GALNT1: variants seen among roughly 807,000 people sequenced by gnomAD.
GALNT1 encodes the protein polypeptide N-acetylgalactosaminyltransferase 1, also known as GalNAc transferase 1.
A neutral mutation model predicts 65.7 loss-of-function variants in GALNT1; 17 were observed. The ratio of observed to expected loss-of-function variants is 0.26; its 90% CI spans 0.18 to 0.39. The LOEUF (loss-of-function observed/expected upper bound fraction) is 0.39. GALNT1 is among the 10% of genes least tolerant of loss of function. The pLI is 1.00. For missense variants in GALNT1, 460 were observed against 672.8 expected (o/e 0.68, Z 3.50); for synonymous variants, 210 against 219.7 (o/e 0.96, Z 0.39).
intron 2 of GALNT1, among the ~76,000 whole-genome samples, chr18:35,656,345 C>T (rs1026598476): frequency 6.6e-6 from 1 of 152,112 alleles, no homozygotes; most frequent in Non-Finnish European, 1.5e-5. Flanking sequence ...AAAAATAAGA[C>T]AAAATTCCTC....
chr18:35,666,824 C>T (rs1459600811), intron 3 of GALNT1, among the ~76,000 whole-genome samples: 2 of 152,080 alleles, frequency 1.3e-5, no homozygotes, highest in African/African-American at 4.8e-5. Context: ...ATACACAGTC[C>T]TTCTGGCCAA....
chr18:35,598,517 C>G (rs536327854), intron 1 of GALNT1, among the ~76,000 whole-genome samples: 1 of 152,144 alleles, frequency 6.6e-6, no homozygotes, highest in African/African-American at 2.4e-5. Context: ...TTTCACTTAA[C>G]GTAATGACCT....
intron 1 of GALNT1, among the ~76,000 whole-genome samples, chr18:35,590,903 G>A (rs1265074501): frequency 6.6e-6 from 1 of 152,152 alleles, no homozygotes; most frequent in Non-Finnish European, 1.5e-5. Context: ...TATTTTAAGT[G>A]TTTCCATGCA....
At chr18:35,632,853 A>C (rs1319015750) in intron 1 of GALNT1, among the ~76,000 whole-genome samples, 1 of 152,230 alleles carries the variant, frequency 6.6e-6, no homozygotes, top group Non-Finnish European at 1.5e-5. Flanking sequence ...CAAATTTACA[A>C]GAAAAAAACA....
At chr18:35,664,463 C>G (rs1157606507) in intron 3 of GALNT1, 1 of 152,034 alleles carries the variant, frequency 6.6e-6, no homozygotes, top group Non-Finnish European at 1.5e-5. Context: ...ATTGATAGAC[C>G]TTTGGATTAT....
At position 35,683,584 on chromosome 18, in the gene GALNT1, G is replaced by A. The variant is rs1180547287; in HGVS notation, c.675G>A (p.Arg225=). ...TVGWLEPLLA[R]IKHDRRTVVC... is the part of the protein sequence containing the mutation. ...GATGGCTGGAGCCTCTCTTGGCCAG[G>A]ATCAAACATGACAGGTAATTTTCTG... Residue 225 remains arginine, a synonymous_variant, in exon 5 of 12, where the codon AGG becomes AGA. Transcript: ENST00000269195. The A allele has an allele frequency of 5.0e-6, 8 of 1,613,290 alleles. No homozygotes were observed. The African/African-American group carries it at 6.7e-5, about 13-fold the overall frequency.
At chr18:35,627,685 A>T (rs1337450047) in intron 1 of GALNT1, among the ~76,000 whole-genome samples, 1 of 152,044 alleles carries the variant, frequency 6.6e-6, no homozygotes, top group Admixed American at 6.5e-5. Context: ...TTTCCAACTG[A>T]GGTACCGGGT....
chr18:35,583,501 A>G (rs1293134730), intron 1 of GALNT1, among the ~76,000 whole-genome samples: 1 of 152,110 alleles, frequency 6.6e-6, no homozygotes, highest in African/African-American at 2.4e-5. Flanking sequence ...GAGAGCAGAG[A>G]TTGTGGCTTC....
rs978734124 is a variant in GALNT1 at position 35,710,949 on chromosome 18, T to C, written c.*1179T>C. 5 of 152,796 alleles carry C rather than the reference T, an allele frequency of 3.3e-5. No individual in the cohort carries two copies. In the East Asian group the frequency reaches 7.7e-4, roughly 24 times the overall value. 9.5% of individuals were successfully genotyped at this position (152,796 alleles called of 1,614,324 possible). A position where few individuals can be genotyped will look rare whatever the true frequency, so the allele number is the denominator to read the frequency against. On this transcript the variant is annotated 3_prime_UTR_variant, in exon 12 of 12. Coordinates refer to ENST00000269195, the MANE Select transcript of GALNT1 (RefSeq NM_020474.4). ...TTTAGATTAGATTATTGAATTGTAA[T>C]GTTTATCTGCTGCTTTTTTTAAATA...
At chr18:35,636,624 T>TA (rs1199080172) in intron 1 of GALNT1, among the ~76,000 whole-genome samples, 2 of 152,224 alleles carry the variant, frequency 1.3e-5, no homozygotes, top group Admixed American at 6.5e-5. Flanking sequence ...TGTGGGTCGT[T>TA]ACATTCATGC....
chr18:35,646,287 C>T (rs1043744715), intron 1 of GALNT1, among the ~76,000 whole-genome samples: 1 of 152,192 alleles, frequency 6.6e-6, no homozygotes, highest in Non-Finnish European at 1.5e-5. Flanking sequence ...TACCTCCCAC[C>T]AGGTCCCTTC....
At chr18:35,589,162 G>A (rs1336388636) in intron 1 of GALNT1, among the ~76,000 whole-genome samples, 1 of 152,120 alleles carries the variant, frequency 6.6e-6, no homozygotes, top group Non-Finnish European at 1.5e-5. Flanking sequence ...TGACCCAAGA[G>A]GTACAGTATC....
At chr18:35,649,776 T>C (rs2047285477) in intron 1 of GALNT1, among the ~76,000 whole-genome samples, 1 of 152,246 alleles carries the variant, frequency 6.6e-6, no homozygotes, top group Non-Finnish European at 1.5e-5. Context: ...TATTTGTGTT[T>C]TTATTGTATA....
chr18:35,697,205 CTCAT>C (rs2048073373), intron 9 of GALNT1, among the ~76,000 whole-genome samples: 1 of 152,126 alleles, frequency 6.6e-6, no homozygotes, highest in South Asian at 2.1e-4. Context: ...TATGTATTAT[CTCAT>C]TTAGAGCACT....
chr18:35,646,876 G>A (rs1380687513), intron 1 of GALNT1, among the ~76,000 whole-genome samples: 2 of 152,020 alleles, frequency 1.3e-5, no homozygotes, highest in East Asian at 3.9e-4. Context: ...AGGTTCAAAG[G>A]CACCTCATAC....
At chr18:35,582,938 C>T (rs1265530055) in intron 1 of GALNT1, among the ~76,000 whole-genome samples, 1 of 152,238 alleles carries the variant, frequency 6.6e-6, no homozygotes, top group Non-Finnish European at 1.5e-5. Flanking sequence ...GCTCCTCGGT[C>T]ACAGTAGCCA....
chr18:35,598,189 C>T (rs2046531365), intron 1 of GALNT1, among the ~76,000 whole-genome samples: 2 of 151,652 alleles, frequency 1.3e-5, no homozygotes, highest in Non-Finnish European at 2.9e-5. Flanking sequence ...TGCCCACCAC[C>T]ACCCCCTGCT....
In GALNT1 at chr18:35,691,310, G is replaced by A. The variant is rs528196253; in HGVS notation, c.1159+118G>A. 815 of 772,324 alleles carry A rather than the reference G, an allele frequency of 1.1e-3. 2 individuals are homozygous for A. The highest frequency in any genetic ancestry group is 1.8e-3 in the Admixed American group (56 of 31,998). 47.8% of individuals were successfully genotyped at this position (772,324 alleles called of 1,614,324 possible). A position where few individuals can be genotyped will look rare whatever the true frequency, so the allele number is the denominator to read the frequency against. The stretch of plus-strand genomic sequence containing the variant: ...GCAGAGGTGAACACCTGCCTCATAA[G>A]GTCATTGTAAGGAATGAATGAAATC... On this transcript the variant is annotated intron_variant, in intron 8 of 11. Transcript: ENST00000269195.
At chr18:35,635,781 CTT>C (rs2047080815) in intron 1 of GALNT1, among the ~76,000 whole-genome samples, 1 of 151,368 alleles carries the variant, frequency 6.6e-6, no homozygotes, top group Admixed American at 6.6e-5. Flanking sequence ...TTTAGGGTGA[CTT>C]TTGGATTTCC....
Sources: allele counts gnomAD v4.1 joint callset (sites outside exome capture counted in the v4.1 genomes callset), GRCh38; gene constraint gnomAD v4.1.1; transcripts MANE v1.5; gene names NCBI Gene and HGNC (gene_info 2026-07-23, HGNC 2026-07-21).